Variants in HK1 observed in about 807,000 individuals in gnomAD.
The protein encoded by HK1 is hexokinase-1.
A neutral mutation model predicts 91.6 loss-of-function variants in HK1; 28 were observed. The ratio of observed to expected loss-of-function variants is 0.31; its 90% CI spans 0.23 to 0.42. HK1 has a LOEUF of 0.42. HK1 is among the 10% of genes least tolerant of loss of function. The pLI is 1.00. For missense variants in HK1, 770 were observed against 1,219.8 expected (o/e 0.63, Z 5.49); for synonymous variants, 430 against 468.1 (o/e 0.92, Z 1.05).
intron 1 of HK1, among the ~76,000 whole-genome samples, chr10:69,319,623 C>T (rs1846891051): frequency 6.6e-6 from 1 of 152,254 alleles, no homozygotes; most frequent in Admixed American, 6.5e-5. Flanking sequence ...AGCGGCACGT[C>T]TGAATGGAAT....
intron 5 of HK1, among the ~76,000 whole-genome samples, chr10:69,304,105 A>T (rs541099858): frequency 1.3e-5 from 2 of 152,208 alleles, no homozygotes; most frequent in African/African-American, 4.8e-5. Context: ...AATCCCCAGG[A>T]TCAATTTGGG....
intron 4 of HK1, chr10:69,300,519 G>A: frequency 1.3e-6 from 1 of 741,264 alleles, no homozygotes; most frequent in Non-Finnish European, 2.3e-6. Context: ...TCAGTACAAT[G>A]AAATCAAACT....
intron 7 of HK1, among the ~76,000 whole-genome samples, 162 bp from the exon 8 acceptor site, chr10:69,376,772 C>A (rs1370305330): frequency 1.3e-5 from 2 of 152,180 alleles, no homozygotes; most frequent in Non-Finnish European, 2.9e-5. Flanking sequence ...GATCCCTCTC[C>A]CTCTGCTGTT....
chr10:69,380,204 A>G lies in HK1; in HGVS notation c.1265+109A>G, dbSNP rs1839319920. The G allele has an allele frequency of 5.7e-6, 5 of 877,954 alleles. No individual in the cohort carries two copies. The highest frequency in any genetic ancestry group is 4.0e-5 in the Admixed American group (2 of 50,490). 54.4% of individuals were successfully genotyped at this position (877,954 alleles called of 1,614,324 possible). On this transcript the variant is annotated intron_variant, in intron 9 of 17. Transcript: ENST00000359426. The surrounding 1 kb of genome is among the most constrained non-coding windows in gnomAD (Gnocchi z 4.0). ...TAAACGTTTTTCGGCAGACAAGACA[A>G]TGGTGGTCGGGGGCTGTGGCTCATG...
At chr10:69,315,924 C>T, upstream of HK1, 1 of 1,612,438 alleles carries the variant, frequency 6.2e-7, no homozygotes, top group Non-Finnish European at 8.5e-7. Context: ...AGGTTCCTGC[C>T]CTGTAAAGAG....
chr10:69,401,467 C>T lies in HK1; in HGVS notation c.*332C>T, dbSNP rs1387104088. The T allele has an allele frequency of 4.9e-6, 2 of 405,108 alleles. No homozygotes were observed. The highest frequency in any genetic ancestry group is 4.7e-6 in the Non-Finnish European group (1 of 214,176). The allele number at this position is 405,108 out of a possible 1,614,324, so 25.1% of individuals were successfully genotyped here. On this transcript the variant is annotated 3_prime_UTR_variant, in exon 18 of 18. Coordinates refer to ENST00000359426, the MANE Select transcript of HK1 (RefSeq NM_000188.3). The stretch of plus-strand genomic sequence containing the variant: ...TATTTATTGGCTGGAGATGGAAAAT[C>T]ACACCACCTGACAGGCCTTCTGGGC...
chr10:69,391,461 G>A (rs1160063456), intron 14 of HK1, among the ~76,000 whole-genome samples: 1 of 152,212 alleles, frequency 6.6e-6, no homozygotes, highest in Non-Finnish European at 1.5e-5. Flanking sequence ...AGGCAACATG[G>A]CAAAACCCTA....
At chr10:69,319,063 C>T in intron 1 of HK1, 53 bp downstream of exon 1, 1 of 1,554,582 alleles carries the variant, frequency 6.4e-7, no homozygotes, top group Non-Finnish European at 8.7e-7. Context: ...TGCGTTCCGG[C>T]ATCCGCTCGC....
At chr10:69,323,592 A>T (rs1297132391) in intron 1 of HK1, among the ~76,000 whole-genome samples, 1 of 151,608 alleles carries the variant, frequency 6.6e-6, no homozygotes, top group East Asian at 1.9e-4. Flanking sequence ...CTGATGTTGT[A>T]CAAATATTCA....
At chr10:69,318,657 C>T (rs1846797200), upstream of HK1, among the ~76,000 whole-genome samples, 1 of 152,122 alleles carries the variant, frequency 6.6e-6, no homozygotes, top group Non-Finnish European at 1.5e-5. Context: ...GAGGGAGCGG[C>T]CGCCGCGTCC....
intron 4 of HK1, among the ~76,000 whole-genome samples, chr10:69,367,350 C>A (rs190962431): frequency 6.6e-6 from 1 of 152,314 alleles, no homozygotes; most frequent in Admixed American, 6.5e-5. Context: ...ACTTCTAGAT[C>A]AGCTCCCTGT....
chr10:69,382,752 A>G lies in HK1; in HGVS notation c.1531A>G (p.Met511Val), dbSNP rs772228426. ...KQTHNNAVVK[M>V]LPSFVRRTPD... ...GACGCACAACAATGCCGTGGTTAAG[A>G]TGCTGCCCTCCTTCGTCCGGAGAAC... Residue 511 changes from methionine (M) to valine (V), a missense_variant, in exon 10 of 18, where the codon ATG becomes GTG. Met to Val is a conservative substitution (Grantham distance 21). Around this residue, in one of 7 missense-constraint regions of HK1, gnomAD observed 48 missense variants for 128.2 expected, o/e 0.37. Coordinates refer to ENST00000359426, the MANE Select transcript of HK1 (RefSeq NM_000188.3). The G allele has an allele frequency of 1.9e-6, 3 of 1,613,108 alleles. No individual in the cohort carries two copies. The highest frequency in any genetic ancestry group is 2.5e-6 in the Non-Finnish European group (3 of 1,179,838).
At chr10:69,391,031 C>T (rs537401070) in intron 14 of HK1, among the ~76,000 whole-genome samples, 5 of 152,276 alleles carry the variant, frequency 3.3e-5, no homozygotes, top group African/African-American at 1.2e-4. Flanking sequence ...AGCAAACAGT[C>T]GGTGGTCCTT....
intron 2 of HK1, among the ~76,000 whole-genome samples, chr10:69,347,987 A>G (rs1589520904): frequency 6.6e-6 from 1 of 152,296 alleles, no homozygotes; most frequent in East Asian, 1.9e-4. Context: ...CTCACTACCC[A>G]GTCTCTTGGG....
At chr10:69,302,582 T>C (rs536104539) in intron 5 of HK1, among the ~76,000 whole-genome samples, 32 of 151,868 alleles carry the variant, frequency 2.1e-4, no homozygotes, top group African/African-American at 7.5e-4. Context: ...TAAGACTCTG[T>C]CTCTACAAAA....
chr10:69,307,217 G>A (rs1200114862), intron 5 of HK1, among the ~76,000 whole-genome samples: 1 of 152,118 alleles, frequency 6.6e-6, no homozygotes, highest in Non-Finnish European at 1.5e-5. Context: ...ACAGAAAACA[G>A]CGAGAGAGGA....
At chr10:69,352,209 T>G (rs1589527100) in intron 2 of HK1, among the ~76,000 whole-genome samples, 1 of 152,080 alleles carries the variant, frequency 6.6e-6, no homozygotes, top group East Asian at 1.9e-4. Context: ...GCCAGGCTGG[T>G]CTCGAACTCC....
At chr10:69,287,989 A>T (rs1845112261) in intron 2 of HK1, among the ~76,000 whole-genome samples, 2 of 151,882 alleles carry the variant, frequency 1.3e-5, no homozygotes, top group Non-Finnish European at 2.9e-5. Context: ...AAAAAAAAAA[A>T]AATTAAAAAT....
chr10:69,294,150 C>T (rs10823335), intron 3 of HK1, among the ~76,000 whole-genome samples: 25,472 of 152,028 alleles, frequency 0.17, 2,844 homozygotes, highest in Non-Finnish European at 0.24. Flanking sequence ...CGTGAGCCAC[C>T]GCGCCCGGCC....
Sources: allele counts gnomAD v4.1 joint callset (sites outside exome capture counted in the v4.1 genomes callset), GRCh38; gene constraint gnomAD v4.1.1; regional missense constraint gnomAD v4.1.1; non-coding constraint Gnocchi (gnomAD v3.1); transcripts MANE v1.5; gene names NCBI Gene and HGNC (gene_info 2026-07-23, HGNC 2026-07-21).